METTL15: variants seen among roughly 807,000 people sequenced by gnomAD.
METTL15 encodes methyltransferase 15, mitochondrial 12S rRNA N4-cytidine, also known as 12S rRNA N(4)-cytidine methyltransferase METTL15.
In METTL15, 34 loss-of-function variants were observed where a neutral mutation model predicts 38.3. That is an observed-to-expected ratio of 0.89 (90% CI 0.68 to 1.18). METTL15 has a LOEUF of 1.18. Among genes scored for constraint, METTL15 ranks in the 50% most tolerant of loss-of-function variants. METTL15 has a pLI of 0.00. For missense variants in METTL15, 438 were observed against 498.4 expected, an observed-to-expected ratio of 0.88 and a Z score of 1.15; for synonymous variants, 162 against 170.9, an observed-to-expected ratio of 0.95 and a Z score of 0.41.
rs544120584 is a variant in METTL15 at position 28,349,072 on chromosome 11, ATACATT to A, written c.*190-3015_*190-3010del. Among the ~76,000 whole-genome samples the A allele has an allele frequency of 4.1e-3, 623 of 152,356 alleles. 2 individuals are homozygous for A. Among genetic ancestry groups the A allele is most frequent in the Non-Finnish European group, 6.8e-3 (463 of 68,038 alleles). ...GTTTCAGCAGATAGCTAGGAACCACATACATTTATATTTATCTCTATATACATCTAC... is the reference window on the plus strand; with the variant it reads ...GTTTCAGCAGATAGCTAGGAACCACATATATTTATCTCTATATACATCTAC... On this transcript the variant is annotated intron_variant and NMD_transcript_variant, in intron 3 of 7. Coordinates refer to the METTL15 transcript ENST00000532947.
intron 5 of METTL15, among the ~76,000 whole-genome samples, chr11:28,379,455 C>A (rs1850358114): frequency 6.6e-6 from 1 of 152,008 alleles, no homozygotes; most frequent in African/African-American, 2.4e-5. Flanking sequence ...TACTTCATTT[C>A]TTCATTGACC....
At chr11:28,269,994 A>T (rs918768659) in intron 4 of METTL15, among the ~76,000 whole-genome samples, 5 of 152,198 alleles carry the variant, frequency 3.3e-5, no homozygotes, top group Non-Finnish European at 7.3e-5. Context: ...GTGTTTATGG[A>T]ATAACTAACT....
At chr11:28,115,672 T>G (rs1315283959) in intron 3 of METTL15, among the ~76,000 whole-genome samples, 1 of 152,140 alleles carries the variant, frequency 6.6e-6, no homozygotes, top group African/African-American at 2.4e-5. Flanking sequence ...TTACTATTTA[T>G]TAAGTGGAAG....
intron 5 of METTL15, among the ~76,000 whole-genome samples, chr11:28,374,130 G>A (rs572214987): frequency 4.8e-4 from 73 of 152,248 alleles, no homozygotes; most frequent in African/African-American, 1.8e-3. Flanking sequence ...TTTGGCTTAG[G>A]ATTGACATGG....
intron 4 of METTL15, among the ~76,000 whole-genome samples, chr11:28,243,164 T>G (rs1403802605): frequency 2.0e-5 from 3 of 151,898 alleles, no homozygotes; most frequent in African/African-American, 7.3e-5. Flanking sequence ...ATTTTAAAGA[T>G]AAATGCCAAA....
chr11:28,328,801 T>C (rs1849721992), intron 6 of METTL15, among the ~76,000 whole-genome samples: 1 of 152,122 alleles, frequency 6.6e-6, no homozygotes, highest in Non-Finnish European at 1.5e-5. Flanking sequence ...TGTTTTAAAA[T>C]ATGATATAAA....
At chr11:28,129,177 T>C (rs972436467) in intron 3 of METTL15, among the ~76,000 whole-genome samples, 1 of 152,170 alleles carries the variant, frequency 6.6e-6, no homozygotes, top group African/African-American at 2.4e-5. Context: ...AGGAATCTTT[T>C]AGATGCTATT....
intron 4 of METTL15, among the ~76,000 whole-genome samples, 165 bp downstream of exon 4, chr11:28,211,363 C>A (rs1172309390): frequency 2.0e-5 from 3 of 151,908 alleles, no homozygotes; most frequent in Admixed American, 6.6e-5. Flanking sequence ...GTTTTTAGTA[C>A]CACTTAAAGT....
chr11:28,290,192 G>T lies in METTL15; in HGVS notation c.408-14G>T. On this transcript the variant is annotated splice_polypyrimidine_tract_variant and intron_variant, in intron 4 of 6. Coordinates refer to ENST00000407364, the MANE Select transcript of METTL15 (RefSeq NM_001113528.2). ...AACAGAAGTGTTTTCTCTATCTCCT[G>T]GGTTTACTCACAGTAAACAAATCCG... is the stretch of plus-strand genomic sequence containing the variant. The T allele has an allele frequency of 6.3e-7, 1 of 1,594,330 alleles. No individual in the cohort carries two copies. Among genetic ancestry groups the T allele is most frequent in the Non-Finnish European group, 8.6e-7 (1 of 1,169,336 alleles).
At chr11:28,526,255 G>A (rs1203280035) in intron 6 of METTL15, among the ~76,000 whole-genome samples, 9 of 152,238 alleles carry the variant, frequency 5.9e-5, no homozygotes, top group Non-Finnish European at 1.3e-4. Context: ...GGGCTGAAGG[G>A]CTCCCCGAGC....
chr11:28,238,630 T>C (rs1854139180), intron 4 of METTL15, among the ~76,000 whole-genome samples: 2 of 152,194 alleles, frequency 1.3e-5, no homozygotes, highest in Admixed American at 1.3e-4. Context: ...GCGCCCACTG[T>C]CTGGCACTCC....
intron 5 of METTL15, among the ~76,000 whole-genome samples, chr11:28,404,601 T>C (rs1477124212): frequency 6.6e-6 from 1 of 152,064 alleles, no homozygotes; most frequent in African/African-American, 2.4e-5. Flanking sequence ...CACCATCACA[T>C]TGGTGATTAG....
chr11:28,267,585 G>A (rs1444533473), intron 4 of METTL15, among the ~76,000 whole-genome samples: 5 of 152,150 alleles, frequency 3.3e-5, no homozygotes, highest in Non-Finnish European at 1.5e-5. Flanking sequence ...AGCTCCATGA[G>A]GGTAGAACTC....
chr11:28,263,565 C>G (rs1855294603), intron 4 of METTL15, among the ~76,000 whole-genome samples: 1 of 152,006 alleles, frequency 6.6e-6, no homozygotes, highest in East Asian at 1.9e-4. Flanking sequence ...TAATCATTCT[C>G]TATTGTAATT....
chr11:28,252,009 C>T (rs1854765220), intron 4 of METTL15, among the ~76,000 whole-genome samples: 1 of 152,058 alleles, frequency 6.6e-6, no homozygotes, highest in Admixed American at 6.6e-5. Flanking sequence ...TTAGAGAAAA[C>T]CCTGTAATTG....
chr11:28,318,388 C>A (rs1849344958), intron 6 of METTL15, among the ~76,000 whole-genome samples: 1 of 151,726 alleles, frequency 6.6e-6, no homozygotes, highest in Non-Finnish European at 1.5e-5. Context: ...TATAAAATTG[C>A]AGAACTGCCT....
chr11:28,361,504 C>T (rs1453191150), intron 4 of METTL15, among the ~76,000 whole-genome samples: 1 of 152,074 alleles, frequency 6.6e-6, no homozygotes, highest in African/African-American at 2.4e-5. Flanking sequence ...ACAAAGTGAA[C>T]TTTGATTTCT....
At chr11:28,202,022 ACT>A (rs1298741015) in intron 3 of METTL15, among the ~76,000 whole-genome samples, 11 of 152,080 alleles carry the variant, frequency 7.2e-5, no homozygotes, top group Admixed American at 6.6e-4. Flanking sequence ...AGAAGTTTAG[ACT>A]CTATCCTGTA....
chr11:28,387,770 G>A (rs547156549), intron 5 of METTL15, among the ~76,000 whole-genome samples: 3 of 152,190 alleles, frequency 2.0e-5, no homozygotes, highest in African/African-American at 4.8e-5. Flanking sequence ...CAATAACCAT[G>A]AGGAATATTG....
Sources: allele counts gnomAD v4.1 joint callset (sites outside exome capture counted in the v4.1 genomes callset), GRCh38; gene constraint gnomAD v4.1.1; transcripts MANE v1.5; gene names NCBI Gene and HGNC (gene_info 2026-07-23, HGNC 2026-07-21).